STK32B: variants seen among roughly 807,000 people sequenced by gnomAD.
STK32B encodes serine/threonine kinase 32B, also known as serine/threonine-protein kinase 32B.
STK32B carries 43 observed loss-of-function variants against 52.6 expected under a neutral mutation model. The ratio of observed to expected loss-of-function variants is 0.82; its 90% CI spans 0.64 to 1.05. The LOEUF (loss-of-function observed/expected upper bound fraction) is 1.05, where lower values mean the gene tolerates loss of function less well. Ranked by LOEUF, STK32B falls within the 50% of genes least tolerant of loss-of-function variation. The pLI is 0.00. For missense variants in STK32B, 621 were observed against 534.6 expected (o/e 1.16, Z -1.59); for synonymous variants, 238 against 204.3 (o/e 1.17, Z -1.41).
chr4:5,440,036 G>A (rs1182422888), intron 6 of STK32B, among the ~76,000 whole-genome samples: 2 of 152,094 alleles, frequency 1.3e-5, no homozygotes, highest in Admixed American at 6.6e-5. Context: ...GTCAGGTAGT[G>A]TGATGCCTCC....
intron 3 of STK32B, among the ~76,000 whole-genome samples, chr4:5,317,216 T>TTATATTATATATAAC (rs1731061009): frequency 1.8e-5 from 1 of 55,640 alleles, no homozygotes; most frequent in Non-Finnish European, 2.5e-5. Flanking sequence ...ATATATAACA[T>TTATATTATATATAAC]ATATATATTA....
intron 3 of STK32B, among the ~76,000 whole-genome samples, chr4:5,272,525 G>A (rs1239340951): frequency 2.0e-5 from 3 of 150,864 alleles, no homozygotes; most frequent in Non-Finnish European, 4.4e-5. Flanking sequence ...CTCATAAAAT[G>A]AGTTAGGGAG....
chr4:5,303,585 C>T (rs1285852564), intron 3 of STK32B, among the ~76,000 whole-genome samples: 1 of 152,046 alleles, frequency 6.6e-6, no homozygotes, highest in Non-Finnish European at 1.5e-5. Flanking sequence ...GGATATTAGT[C>T]CTTTCTCAGA....
chr4:5,193,168 C>T (rs545121084), intron 3 of STK32B, among the ~76,000 whole-genome samples: 14 of 152,216 alleles, frequency 9.2e-5, no homozygotes, highest in South Asian at 6.2e-4. Context: ...ACTGTCCTCT[C>T]GTGCCTCCTG....
At chr4:5,440,554 A>G (rs1386783763) in intron 6 of STK32B, among the ~76,000 whole-genome samples, 4 of 152,274 alleles carry the variant, frequency 2.6e-5, no homozygotes, top group Middle Eastern at 3.4e-3. Flanking sequence ...CTGCAAACAG[A>G]GACAATTTGT....
intron 1 of STK32B, among the ~76,000 whole-genome samples, chr4:5,130,853 C>G (rs538679219): frequency 6.6e-6 from 1 of 152,292 alleles, no homozygotes; most frequent in South Asian, 2.1e-4. Context: ...CTATTTCATG[C>G]CACTGTTGAA....
chr4:5,129,722 AG>A (rs2108819707), intron 1 of STK32B, among the ~76,000 whole-genome samples: 1 of 152,294 alleles, frequency 6.6e-6, no homozygotes, highest in Non-Finnish European at 1.5e-5. Context: ...CCTAAGAAGT[AG>A]GTATCATTGT....
At chr4:5,274,013 C>T (rs1293009528) in intron 3 of STK32B, among the ~76,000 whole-genome samples, 2 of 151,462 alleles carry the variant, frequency 1.3e-5, no homozygotes, top group East Asian at 3.9e-4. Flanking sequence ...AACAAAAAAA[C>T]AAAACAAACA....
chr4:5,367,962 C>T (rs115004915), intron 4 of STK32B, among the ~76,000 whole-genome samples: 154 of 152,246 alleles, frequency 1.0e-3, no homozygotes, highest in African/African-American at 3.2e-3. Flanking sequence ...TTCACTGCTC[C>T]GTCGTTTCTT....
chr4:5,283,728 A>T (rs1003883814), intron 3 of STK32B, among the ~76,000 whole-genome samples: 3 of 152,182 alleles, frequency 2.0e-5, no homozygotes, highest in African/African-American at 7.2e-5. Context: ...AATCAGGAGT[A>T]TTTTACCTGG....
rs960612728 is a variant in STK32B at position 5,469,444 on chromosome 4, G to A, written c.1106+1374G>A. Among the ~76,000 whole-genome samples the A allele has an allele frequency of 6.6e-6, 1 of 152,196 alleles. No homozygotes were observed. Among genetic ancestry groups the A allele is most frequent in the Non-Finnish European group, 1.5e-5 (1 of 68,038 alleles). ...CTAAGGGACATGTAGGGGAAAACGC[G>A]GCATTCCAGGAGTAGGAAAAGTGCA... On this transcript the variant is annotated intron_variant, in intron 11 of 11. Transcript: ENST00000282908. This position sits in a 1 kb window ranked among gnomAD's most constrained non-coding sequence, Gnocchi z 4.7.
At chr4:5,246,007 T>G (rs888955289) in intron 3 of STK32B, among the ~76,000 whole-genome samples, 12 of 152,216 alleles carry the variant, frequency 7.9e-5, no homozygotes, top group African/African-American at 2.7e-4. Context: ...CCCTTAACAC[T>G]TTTTCCTTCA....
Position 5,499,916 on chromosome 4 carries a change from C to CAACTCTCT in STK32B, c.*835_*842dup, listed in dbSNP as rs1720601172. On this transcript the variant is annotated 3_prime_UTR_variant, in exon 12 of 12. Coordinates refer to ENST00000282908, the MANE Select transcript of STK32B (RefSeq NM_018401.3). ...AGCCCAGACCTGCAGCAGAACTCTC[C>CAACTCTCT]AACTCTCTATCAGCTTTCAGGGTTT... 1.3e-5 allele frequency: 2 copies of CAACTCTCT among 152,344 alleles called. No homozygotes were observed. 9.4% of individuals were successfully genotyped at this position (152,344 alleles called of 1,614,324 possible).
chr4:5,221,667 C>A (rs981941107), intron 3 of STK32B, among the ~76,000 whole-genome samples: 1 of 151,880 alleles, frequency 6.6e-6, no homozygotes, highest in Non-Finnish European at 1.5e-5. Flanking sequence ...ACCATCCTAG[C>A]CAACATAGTG....
chr4:5,060,128 G>A (rs1742161827), intron 1 of STK32B, among the ~76,000 whole-genome samples: 1 of 152,054 alleles, frequency 6.6e-6, no homozygotes, highest in Admixed American at 6.6e-5. Context: ...CCCTACGCCC[G>A]GCTAATTTTG....
chr4:5,395,993 C>A lies in STK32B; in HGVS notation c.435-2214C>A, dbSNP rs1428520527. Among the ~76,000 whole-genome samples the A allele has an allele frequency of 6.6e-6, 1 of 152,206 alleles. No individual in the cohort carries two copies. Among genetic ancestry groups the A allele is most frequent in the Non-Finnish European group, 1.5e-5 (1 of 68,034 alleles). ...GGCCAGGCCCTGGGCTTGTCCAAGG[C>A]CATGCTGTCATTAATGGGGCCCTAG... is the stretch of plus-strand genomic sequence containing the variant. On this transcript the variant is annotated intron_variant, in intron 4 of 11. Transcript: ENST00000282908. The surrounding 1 kb of genome is among the most constrained non-coding windows in gnomAD (Gnocchi z 4.4).
chr4:5,497,406 C>A (rs1230703951), intron 11 of STK32B, among the ~76,000 whole-genome samples: 1 of 152,134 alleles, frequency 6.6e-6, no homozygotes, highest in East Asian at 1.9e-4. Flanking sequence ...AGGAAATATC[C>A]CATCACCAAG....
rs16837049 is a variant in STK32B at position 5,376,609 on chromosome 4, A to G, written c.435-21598A>G. Among the ~76,000 whole-genome samples, 870 of 152,262 alleles carry G rather than the reference A, an allele frequency of 5.7e-3. 7 individuals carry two copies. The highest frequency in any genetic ancestry group is 0.02 in the African/African-American group (830 of 41,548). On this transcript the variant is annotated intron_variant, in intron 4 of 11. Coordinates refer to ENST00000282908, the MANE Select transcript of STK32B (RefSeq NM_018401.3). ...TCCATAAGGGCACACGGATCCCTGG[A>G]AACTGTCAGAAATAGGGTGATTTGT...
At chr4:5,305,998 T>G (rs59143107) in intron 3 of STK32B, among the ~76,000 whole-genome samples, 12,626 of 152,200 alleles carry the variant, frequency 0.083, 829 homozygotes, top group African/African-American at 0.18. Context: ...TTAATTTCCA[T>G]GTATTTGCGT....
Sources: allele counts gnomAD v4.1 joint callset (sites outside exome capture counted in the v4.1 genomes callset), GRCh38; gene constraint gnomAD v4.1.1; non-coding constraint Gnocchi (gnomAD v3.1); transcripts MANE v1.5; gene names NCBI Gene and HGNC (gene_info 2026-07-23, HGNC 2026-07-21).